The following DGKI variants were observed in gnomAD, a reference collection of about 807,000 sequenced individuals.
DGKI encodes diacylglycerol kinase iota.
Under a neutral mutation model 147.5 loss-of-function variants are expected in DGKI, and 55 were observed. The observed-to-expected ratio is 0.37, with a 90% confidence interval of 0.30 to 0.47. The LOEUF (loss-of-function observed/expected upper bound fraction) is 0.47. DGKI is among the 20% of genes least tolerant of loss of function. The pLI is 1.00. For synonymous variants in DGKI, 469 were observed against 477.1 expected (o/e 0.98, Z 0.22); for missense variants, 1,007 against 1,323.8 (o/e 0.76, Z 3.71).
chr7:137,581,838 C>G lies in DGKI; in HGVS notation c.1642+12G>C. 6.2e-7 allele frequency: 1 copy of G among 1,608,636 alleles called. No individual in the cohort carries two copies. The highest frequency in any genetic ancestry group is 8.5e-7 in the Non-Finnish European group (1 of 1,175,558). On this transcript the variant is annotated intron_variant, in intron 15 of 32. Coordinates refer to ENST00000614521, the MANE Select transcript of DGKI (RefSeq NM_001321708.2). ...TCCTCCCTGGGAGATGGAAATGGGACGTTGTCCTCACCTCTGGATTCATGG... is the reference window on the plus strand; with the variant it reads ...TCCTCCCTGGGAGATGGAAATGGGAGGTTGTCCTCACCTCTGGATTCATGG...
chr7:137,757,434 A>G (rs567999507), intron 1 of DGKI, among the ~76,000 whole-genome samples: 27 of 152,220 alleles, frequency 1.8e-4, no homozygotes, highest in African/African-American at 5.8e-4. Flanking sequence ...CGTTGGTGTC[A>G]GCTGGGATTC....
At chr7:137,637,599 G>A (rs756642328) in intron 6 of DGKI, among the ~76,000 whole-genome samples, 1 of 152,174 alleles carries the variant, frequency 6.6e-6, no homozygotes, top group Non-Finnish European at 1.5e-5. Context: ...AATCAACTGT[G>A]GATGTACTTT....
intron 10 of DGKI, among the ~76,000 whole-genome samples, chr7:137,608,031 CA>C (rs1226837664): frequency 3.9e-5 from 6 of 152,128 alleles, no homozygotes; most frequent in African/African-American, 1.4e-4. Context: ...GTAATTAATA[CA>C]TTCTGGACAA....
At chr7:137,555,205 T>A (rs548650796) in intron 19 of DGKI, among the ~76,000 whole-genome samples, 1 of 150,558 alleles carries the variant, frequency 6.6e-6, no homozygotes, top group African/African-American at 2.4e-5. Flanking sequence ...TGAGCCACTG[T>A]GCCTGGCCAA....
intron 17 of DGKI, 98 bp downstream of exon 17, chr7:137,577,124 G>T: frequency 1.2e-6 from 1 of 831,060 alleles, no homozygotes; most frequent in Non-Finnish European, 2.0e-6. Flanking sequence ...AAAGTTCTAT[G>T]CAGTCCAGTG....
chr7:137,552,681 G>T, intron 19 of DGKI, 113 bp from the exon 20 acceptor site: 1 of 1,097,566 alleles, frequency 9.1e-7, no homozygotes, highest in Admixed American at 2.0e-5. Context: ...GACCAAGGCA[G>T]GTGGATCACC....
intron 1 of DGKI, among the ~76,000 whole-genome samples, chr7:137,810,745 G>GT (rs35934165): frequency 0.14 from 21,542 of 149,658 alleles, 4,642 homozygotes; most frequent in African/African-American, 0.47. Context: ...CCCTGGAGAA[G>GT]TTTTTTTTTT....
intron 19 of DGKI, among the ~76,000 whole-genome samples, chr7:137,566,194 T>C (rs1387254775): frequency 1.3e-5 from 2 of 152,172 alleles, no homozygotes; most frequent in Non-Finnish European, 2.9e-5. Flanking sequence ...CTATATTAAA[T>C]ATGCAAAAAT....
intron 23 of DGKI, among the ~76,000 whole-genome samples, chr7:137,471,959 TA>T: frequency 7.7e-6 from 1 of 129,324 alleles, no homozygotes; most frequent in African/African-American, 3.3e-5. Context: ...GTATATATTA[TA>T]TATTATATAC....
Position 137,846,819 on chromosome 7 carries a change from G to C in DGKI, c.44C>G (p.Ala15Gly). ...GRGCHLLPLP[A>G]ARGPARAPAA... is the part of the protein sequence containing the mutation. ...AGGAGCGCGGGCAGGTCCGCGCGCC[G>C]CTGGCAGGGGCAGCAAATGGCAGCC... is the stretch of plus-strand genomic sequence containing the variant. The change falls in exon 1 of 33, where the codon GCG (alanine) becomes GGG (glycine). Residue 15 changes from alanine to glycine, a missense_variant. By Grantham distance (60) the Ala-to-Gly change is moderately conservative. Coordinates refer to ENST00000614521, the MANE Select transcript of DGKI (RefSeq NM_001321708.2). This position sits in a 1 kb window ranked among gnomAD's most constrained non-coding sequence, Gnocchi z 4.0. 2 of 1,141,072 alleles carry C rather than the reference G, an allele frequency of 1.8e-6. No individual in the cohort carries two copies. Among genetic ancestry groups the C allele is most frequent in the Non-Finnish European group, 1.1e-6 (1 of 929,766 alleles). 70.7% of individuals were successfully genotyped at this position (1,141,072 alleles called of 1,614,324 possible). A position where few individuals can be genotyped will look rare whatever the true frequency, so the allele number is the denominator to read the frequency against.
At chr7:137,722,715 G>A (rs557221171) in intron 1 of DGKI, 59 of 1,583,288 alleles carry the variant, frequency 3.7e-5, no homozygotes, top group Non-Finnish European at 4.6e-5. Flanking sequence ...ATGAGATTAC[G>A]GAGCAGTGCA....
At chr7:137,460,666 G>A (rs1265348877) in intron 27 of DGKI, among the ~76,000 whole-genome samples, 1 of 152,242 alleles carries the variant, frequency 6.6e-6, no homozygotes, top group Non-Finnish European at 1.5e-5. Flanking sequence ...CTTCCTTTGA[G>A]CATCAGGTCA....
chr7:137,513,227 A>G (rs1259313277), intron 21 of DGKI, among the ~76,000 whole-genome samples: 1 of 151,946 alleles, frequency 6.6e-6, no homozygotes, highest in Admixed American at 6.6e-5. Context: ...CTGTATCTGT[A>G]CTCCCTCCTC....
chr7:137,565,699 A>C (rs1818560518), intron 19 of DGKI, among the ~76,000 whole-genome samples: 1 of 152,208 alleles, frequency 6.6e-6, no homozygotes, highest in African/African-American at 2.4e-5. Context: ...AGAAGTTTAA[A>C]TTACTTAGAA....
chr7:137,476,138 G>A (rs900178031), intron 23 of DGKI, among the ~76,000 whole-genome samples: 2 of 152,014 alleles, frequency 1.3e-5, no homozygotes, highest in Admixed American at 6.5e-5. Context: ...CAGCTGTCAC[G>A]ATGTCAAGTA....
At chr7:137,469,117 T>A (rs1002945185) in intron 24 of DGKI, among the ~76,000 whole-genome samples, 1 of 152,176 alleles carries the variant, frequency 6.6e-6, no homozygotes, top group Non-Finnish European at 1.5e-5. Flanking sequence ...TTTTTCCACC[T>A]TTTTCCAGAA....
chr7:137,411,994 G>A (rs965209406), intron 29 of DGKI, among the ~76,000 whole-genome samples, 176 bp downstream of exon 29: 5 of 152,078 alleles, frequency 3.3e-5, no homozygotes, highest in African/African-American at 1.2e-4. Flanking sequence ...CAAGTACCCC[G>A]GTGCTCTTGA....
At chr7:137,489,064 C>T (rs561175528) in intron 21 of DGKI, among the ~76,000 whole-genome samples, 1 of 152,174 alleles carries the variant, frequency 6.6e-6, no homozygotes, top group African/African-American at 2.4e-5. Flanking sequence ...CTAGGGAGAC[C>T]TAATCAATCC....
Position 137,444,140 on chromosome 7 carries a change from G to C in DGKI, c.2736-38C>G, listed in dbSNP as rs768972261. 1.1e-5 allele frequency: 13 copies of C among 1,179,230 alleles called. No individual in the cohort carries two copies. The Admixed American group carries it at 3.2e-4, about 29-fold the overall frequency. 73.0% of individuals were successfully genotyped at this position (1,179,230 alleles called of 1,614,324 possible). On this transcript the variant is annotated intron_variant, in intron 27 of 32. Transcript: ENST00000614521. ...AATAAGCATGATCAATATTTTATAT[G>C]ATAATTATAATGATAATCAAGAATA...
Sources: allele counts gnomAD v4.1 joint callset (sites outside exome capture counted in the v4.1 genomes callset), GRCh38; gene constraint gnomAD v4.1.1; non-coding constraint Gnocchi (gnomAD v3.1); transcripts MANE v1.5; gene names NCBI Gene and HGNC (gene_info 2026-07-23, HGNC 2026-07-21).